SSBP2: variants seen among roughly 807,000 people sequenced by gnomAD.
SSBP2 encodes single stranded DNA binding protein 2.
Under a neutral mutation model 61.8 loss-of-function variants are expected in SSBP2, and 17 were observed. The ratio of observed to expected loss-of-function variants is 0.28; its 90% confidence interval spans 0.19 to 0.41. The LOEUF (loss-of-function observed/expected upper bound fraction) is 0.41. Ranked by LOEUF, SSBP2 falls within the 10% of genes least tolerant of loss-of-function variation. The probability of loss-of-function intolerance (pLI) is 1.00; values close to 1 mark genes in which losing one functional copy is unlikely to be tolerated. For synonymous variants in SSBP2, 139 were observed against 141.3 expected, an observed-to-expected ratio of 0.98 and a Z score of 0.12; for missense variants, 310 against 458.7, an observed-to-expected ratio of 0.68 and a Z score of 2.96.
chr5:81,740,972 T>TC (rs1296207089), intron 1 of SSBP2, among the ~76,000 whole-genome samples: 2 of 152,288 alleles, frequency 1.3e-5, no homozygotes, highest in East Asian at 3.9e-4. Context: ...CACATTCCCC[T>TC]CCCATCCTCA....
rs139239008 is a variant in SSBP2 at position 81,518,048 on chromosome 5, A to G, written c.283-4331T>C. Among the ~76,000 whole-genome samples, 43 of 152,280 alleles carry G rather than the reference A, an allele frequency of 2.8e-4. No individual in the cohort carries two copies. In the East Asian group the frequency reaches 7.3e-3, roughly 26 times the overall value. On this transcript the variant is annotated intron_variant, in intron 4 of 16. Transcript: ENST00000320672. ...CTACACACTGAATAACAATTTATTTACTAAGAATGCTAGAGAACTGTTTGC... is the reference window on the plus strand; with the variant it reads ...CTACACACTGAATAACAATTTATTTGCTAAGAATGCTAGAGAACTGTTTGC...
chr5:81,741,229 C>T (rs1223798582), intron 1 of SSBP2, among the ~76,000 whole-genome samples: 1 of 152,168 alleles, frequency 6.6e-6, no homozygotes, highest in Non-Finnish European at 1.5e-5. Flanking sequence ...TAGCCAGCCA[C>T]AGAAAGACAA....
intron 13 of SSBP2, 31 bp downstream of exon 13, chr5:81,442,622 C>T: frequency 7.9e-7 from 1 of 1,273,712 alleles, no homozygotes; most frequent in Admixed American, 2.0e-5. Context: ...TCTTCAAATA[C>T]ATTCCAAAAA....
intron 1 of SSBP2, among the ~76,000 whole-genome samples, chr5:81,673,052 G>C (rs1751705884): frequency 6.6e-6 from 1 of 151,998 alleles, no homozygotes; most frequent in Non-Finnish European, 1.5e-5. Context: ...TGGCCAGGCT[G>C]ATCTCAAACT....
At chr5:81,461,982 C>T (rs2154001345) in intron 9 of SSBP2, among the ~76,000 whole-genome samples, 1 of 152,102 alleles carries the variant, frequency 6.6e-6, no homozygotes, top group African/African-American at 2.4e-5. Flanking sequence ...TTTAAAATTC[C>T]CCTTCATTTG....
intron 1 of SSBP2, among the ~76,000 whole-genome samples, chr5:81,700,057 A>C (rs1022599889): frequency 5.9e-5 from 9 of 151,978 alleles, no homozygotes; most frequent in Non-Finnish European, 1.0e-4. Flanking sequence ...ATGTTGCCCA[A>C]GCTAGTTTCA....
At position 81,473,910 on chromosome 5, in the gene SSBP2, C is replaced by T. The variant is rs1020928634; in HGVS notation, c.500-140G>A. 4.2e-6 allele frequency: 3 copies of T among 713,476 alleles called. No individual in the cohort carries two copies. The African/African-American group carries it at 5.3e-5, about 13-fold the overall frequency. The allele number at this position is 713,476 out of a possible 1,614,324, so 44.2% of individuals were successfully genotyped here. ...ACACCATCTTACCTTGGCTTCCAGA[C>T]CACTTTTCCACCTCTTACCACTACC... On this transcript the variant is annotated intron_variant, in intron 7 of 16. Coordinates refer to ENST00000320672, the MANE Select transcript of SSBP2 (RefSeq NM_012446.5).
At chr5:81,623,006 A>G (rs1318313256) in intron 3 of SSBP2, among the ~76,000 whole-genome samples, 2 of 151,988 alleles carry the variant, frequency 1.3e-5, no homozygotes, top group Admixed American at 6.6e-5. Context: ...AGTGAAAGTT[A>G]TAACTGAAAT....
At chr5:81,690,755 T>C (rs1278088386) in intron 1 of SSBP2, among the ~76,000 whole-genome samples, 1 of 152,052 alleles carries the variant, frequency 6.6e-6, no homozygotes, top group South Asian at 2.1e-4. Flanking sequence ...CTTCATCCAA[T>C]AGCTGCAGAA....
chr5:81,466,440 G>T (rs10064511), intron 9 of SSBP2, among the ~76,000 whole-genome samples: 19,036 of 151,926 alleles, frequency 0.13, 2,724 homozygotes, highest in African/African-American at 0.35. Context: ...CTTTGATAGA[G>T]ATTATAGTAT....
intron 1 of SSBP2, among the ~76,000 whole-genome samples, chr5:81,661,864 T>G (rs984309024): frequency 1.3e-5 from 2 of 152,232 alleles, no homozygotes; most frequent in African/African-American, 4.8e-5. Context: ...TTTACCTACT[T>G]TTGCTTTTGT....
intron 1 of SSBP2, among the ~76,000 whole-genome samples, chr5:81,725,719 G>T (rs1325401631): frequency 2.0e-5 from 3 of 152,112 alleles, no homozygotes; most frequent in East Asian, 3.9e-4. Flanking sequence ...GCGGTTTTTT[G>T]ATGTTTTTGG....
intron 7 of SSBP2, 103 bp from the exon 8 acceptor site, chr5:81,473,873 G>T: frequency 9.6e-7 from 1 of 1,038,100 alleles, no homozygotes; most frequent in Non-Finnish European, 1.5e-6. Context: ...TTTACCAAGA[G>T]TCTGAGTACT....
chr5:81,434,932 G>A (rs1308433516), intron 15 of SSBP2, among the ~76,000 whole-genome samples: 1 of 152,094 alleles, frequency 6.6e-6, no homozygotes, highest in Non-Finnish European at 1.5e-5. Context: ...TCTGGGGCAG[G>A]GGGTATACAA....
intron 6 of SSBP2, among the ~76,000 whole-genome samples, chr5:81,484,427 G>A (rs1299768346): frequency 6.6e-6 from 1 of 151,970 alleles, no homozygotes; most frequent in East Asian, 1.9e-4. Context: ...AAATTTGTTT[G>A]TTAATTTTCC....
At chr5:81,444,853 T>G (rs573082427) in intron 12 of SSBP2, among the ~76,000 whole-genome samples, 6 of 151,772 alleles carry the variant, frequency 4.0e-5, no homozygotes, top group Non-Finnish European at 7.4e-5. Context: ...CCAGGCGAGG[T>G]GGCTCACACC....
intron 1 of SSBP2, among the ~76,000 whole-genome samples, chr5:81,709,394 CCTA>C (rs1754619737): frequency 6.6e-6 from 1 of 151,986 alleles, no homozygotes; most frequent in Non-Finnish European, 1.5e-5. Flanking sequence ...CTTCCCCTTT[CCTA>C]CTTTCTCTTC....
At chr5:81,445,948 T>C (rs981122959) in intron 12 of SSBP2, among the ~76,000 whole-genome samples, 1 of 152,212 alleles carries the variant, frequency 6.6e-6, no homozygotes, top group Admixed American at 6.5e-5. Flanking sequence ...TATTTTTCCA[T>C]GTCATTACAA....
rs1026140378 is a variant in SSBP2 at position 81,413,525 on chromosome 5, C to T, written c.*6979G>A. ...ATGTAGTAAGAAAACGTCTTAAATTCGGAAAATCACAACTAGGTTAATTAA... is the reference window on the plus strand; with the variant it reads ...ATGTAGTAAGAAAACGTCTTAAATTTGGAAAATCACAACTAGGTTAATTAA... On this transcript the variant is annotated 3_prime_UTR_variant, in exon 17 of 17. Transcript: ENST00000320672. 2.6e-5 allele frequency: 4 copies of T among 152,082 alleles called. No individual in the cohort carries two copies. Among genetic ancestry groups the T allele is most frequent in the Non-Finnish European group, 5.9e-5 (4 of 67,986 alleles). 9.4% of individuals were successfully genotyped at this position (152,082 alleles called of 1,614,324 possible). A position where few individuals can be genotyped will look rare whatever the true frequency, so the allele number is the denominator to read the frequency against.
Sources: gnomAD v4.1 joint callset for allele counts (sites outside exome capture counted in the v4.1 genomes callset) on GRCh38, gnomAD v4.1.1 for gene constraint, MANE v1.5 for transcripts, NCBI Gene and HGNC (gene_info 2026-07-23, HGNC 2026-07-21) for gene names.